Variants in AP3S2 observed in about 807,000 individuals in gnomAD.
The protein encoded by AP3S2 is AP-3 complex subunit sigma-2.
Under a neutral mutation model 23.4 loss-of-function variants are expected in AP3S2, and 22 were observed. That is an observed-to-expected ratio of 0.94 (90% CI 0.67 to 1.34). The LOEUF is 1.34. Ranked by LOEUF, AP3S2 falls within the 40% of genes most tolerant of loss-of-function variation. The pLI is 0.00. For synonymous variants in AP3S2, 86 were observed against 87.1 expected, an observed-to-expected ratio of 0.99 and a Z score of 0.07; for missense variants, 241 against 236.9, an observed-to-expected ratio of 1.02 and a Z score of -0.11.
intron 4 of AP3S2, among the ~76,000 whole-genome samples, chr15:89,838,635 CGGTCA>C (rs1895251380): frequency 6.6e-6 from 1 of 152,154 alleles, no homozygotes; most frequent in Non-Finnish European, 1.5e-5. Flanking sequence ...AAGGTGCTTT[CGGTCA>C]AGTTGGGAAG....
At chr15:89,858,471 GAA>G (rs1895898691) in intron 4 of AP3S2, among the ~76,000 whole-genome samples, 5 of 27,294 alleles carry the variant, frequency 1.8e-4, no homozygotes, top group African/African-American at 7.3e-4. Context: ...AAGAAAGAAA[GAA>G]AGAAAGAAAG....
At chr15:89,891,607 C>A (rs749670658) in intron 1 of AP3S2, among the ~76,000 whole-genome samples, 3 of 150,144 alleles carry the variant, frequency 2.0e-5, no homozygotes, top group Non-Finnish European at 4.4e-5. Context: ...TACAGTGAAC[C>A]GAGATCACGC....
chr15:89,869,582 A>AAG (rs1896267461), intron 4 of AP3S2, among the ~76,000 whole-genome samples: 3 of 151,064 alleles, frequency 2.0e-5, no homozygotes, highest in Admixed American at 6.6e-5. Context: ...AAAAAAAAAA[A>AAG]AAAAGAAAAC....
chr15:89,862,700 G>A lies in AP3S2; in HGVS notation c.345+8775C>T, dbSNP rs377029297. ...GTAACACTCCTGGAAAAGGGAAGCT[G>A]CAGGGAGAAATGGTTTTCAGAAGAC... On this transcript the variant is annotated intron_variant, in intron 4 of 5. Transcript: ENST00000336418. Among the ~76,000 whole-genome samples, 97 of 152,312 alleles carry A rather than the reference G, an allele frequency of 6.4e-4. No individual in the cohort carries two copies. In the South Asian group the frequency reaches 0.012, roughly 19 times the overall value.
intron 4 of AP3S2, among the ~76,000 whole-genome samples, chr15:89,851,442 A>T (rs1895651965): frequency 6.6e-6 from 1 of 152,020 alleles, no homozygotes; most frequent in Non-Finnish European, 1.5e-5. Flanking sequence ...GCGTTCAAGC[A>T]ATTCTCCTGC....
chr15:89,878,246 TAGG>T (rs1354149130), intron 3 of AP3S2: 1 of 644,000 alleles, frequency 1.6e-6, no homozygotes, highest in South Asian at 1.7e-5. Context: ...AGCAAAACTG[TAGG>T]AGAATATTTT....
chr15:89,873,680 G>A (rs1336760471), intron 3 of AP3S2, among the ~76,000 whole-genome samples: 1 of 152,008 alleles, frequency 6.6e-6, no homozygotes, highest in Non-Finnish European at 1.5e-5. Flanking sequence ...CAGTTGAAGT[G>A]GGTTTTTGTT....
At chr15:89,867,943 G>C (rs578245741) in intron 4 of AP3S2, among the ~76,000 whole-genome samples, 2 of 148,124 alleles carry the variant, frequency 1.4e-5, no homozygotes, top group East Asian at 4.2e-4. Context: ...CCCCCCACCC[G>C]GCCAGCCGCC....
intron 4 of AP3S2, among the ~76,000 whole-genome samples, 200 bp downstream of exon 4, chr15:89,871,275 C>T (rs991438787): frequency 8.5e-5 from 13 of 152,066 alleles, no homozygotes; most frequent in African/African-American, 2.7e-4. Context: ...ATCTTATGCA[C>T]GTTAAAACTG....
intron 3 of AP3S2, chr15:89,877,460 C>G (rs1896469522): frequency 8.6e-7 from 1 of 1,165,390 alleles, no homozygotes; most frequent in African/African-American, 1.6e-5. Context: ...AATTTACCAT[C>G]ATAGCCATTT....
intron 4 of AP3S2, among the ~76,000 whole-genome samples, chr15:89,840,638 G>A (rs1895305840): frequency 6.6e-6 from 1 of 152,120 alleles, no homozygotes; most frequent in Non-Finnish European, 1.5e-5. Flanking sequence ...ATGTTGGCCA[G>A]GCTGGTCTGG....
chr15:89,870,327 G>T (rs1896289092), intron 4 of AP3S2, among the ~76,000 whole-genome samples: 1 of 152,184 alleles, frequency 6.6e-6, no homozygotes, highest in African/African-American at 2.4e-5. Context: ...GAAAGGGAGG[G>T]TGACTCAAAA....
intron 3 of AP3S2, among the ~76,000 whole-genome samples, chr15:89,874,127 GT>G (rs10602688): frequency 0.057 from 8,365 of 146,842 alleles, 664 homozygotes; most frequent in African/African-American, 0.18. Context: ...AGGGTTTTGG[GT>G]TTTTTTTTTT....
At chr15:89,860,388 A>G (rs1241254072) in intron 4 of AP3S2, among the ~76,000 whole-genome samples, 3 of 152,158 alleles carry the variant, frequency 2.0e-5, no homozygotes, top group Non-Finnish European at 4.4e-5. Context: ...ACCTGAACAC[A>G]AGCACCGTGA....
At position 89,837,664 on chromosome 15, in the gene AP3S2, T is replaced by A; in HGVS notation, c.404A>T (p.Asn135Ile). ...AGCCTCAATCTGAGCCACGATTTCA[T>A]TCATGTTTGTTTCCAACACCATCCC... The part of the protein sequence containing the change: ...MGGMVLETNM[N>I]EIVAQIEAQN... The change falls in exon 5 of 6, where the codon AAT (asparagine) becomes ATT (isoleucine). Residue 135 changes from asparagine to isoleucine, a missense_variant. By Grantham distance (149) the Asn-to-Ile change is moderately radical. Transcript: ENST00000336418. The A allele has an allele frequency of 6.2e-7, 1 of 1,614,178 alleles. No homozygotes were observed. Among genetic ancestry groups the A allele is most frequent in the South Asian group, 1.1e-5 (1 of 91,086 alleles).
At chr15:89,889,309 A>G in intron 1 of AP3S2, 169 bp from the exon 2 acceptor site, 1 of 681,264 alleles carries the variant, frequency 1.5e-6, no homozygotes, top group Non-Finnish European at 2.4e-6. Context: ...GAATCTATGA[A>G]AGATGGGTGA....
chr15:89,869,583 AAAAG>A (rs1386163189), intron 4 of AP3S2, among the ~76,000 whole-genome samples: 3 of 148,588 alleles, frequency 2.0e-5, no homozygotes, highest in South Asian at 2.1e-4. Context: ...AAAAAAAAAA[AAAAG>A]AAAACTCCCC....
Position 89,835,360 on chromosome 15 carries a change from C to A in AP3S2, c.*155G>T. On this transcript the variant is annotated 3_prime_UTR_variant, in exon 6 of 6. Transcript: ENST00000336418. ...GAGCAGTGTCAATAGGAATCCCTTCCCTATTCCATGCCAAACAGTCTTCCC... is the reference window on the plus strand; with the variant it reads ...GAGCAGTGTCAATAGGAATCCCTTCACTATTCCATGCCAAACAGTCTTCCC... 7.6e-7 allele frequency: 1 copy of A among 1,324,312 alleles called. No individual in the cohort carries two copies. Among genetic ancestry groups the A allele is most frequent in the East Asian group, 2.3e-5 (1 of 42,790 alleles). 82.0% of individuals were successfully genotyped at this position (1,324,312 alleles called of 1,614,324 possible). A position where few individuals can be genotyped will look rare whatever the true frequency, so the allele number is the denominator to read the frequency against.
At chr15:89,873,971 C>T (rs1386499066) in intron 3 of AP3S2, among the ~76,000 whole-genome samples, 3 of 149,672 alleles carry the variant, frequency 2.0e-5, no homozygotes, top group African/African-American at 4.9e-5. Context: ...GCCTCAGCCT[C>T]CCGGGTGCAG....
Sources: allele counts gnomAD v4.1 joint callset (sites outside exome capture counted in the v4.1 genomes callset), GRCh38; gene constraint gnomAD v4.1.1; transcripts MANE v1.5; gene names NCBI Gene and HGNC (gene_info 2026-07-23, HGNC 2026-07-21).